TBXAS1: variants seen among roughly 807,000 people sequenced by gnomAD.
TBXAS1 encodes thromboxane A synthase 1, also known as thromboxane-A synthase.
TBXAS1 carries 48 observed loss-of-function variants against 60.7 expected under a neutral mutation model. That is an observed-to-expected ratio of 0.79 (90% CI 0.63 to 1.01). TBXAS1 has a LOEUF of 1.01. TBXAS1 is among the 50% of genes least tolerant of loss of function. The pLI is 0.00. For synonymous variants in TBXAS1, 287 were observed against 269.7 expected (o/e 1.06, Z -0.63); for missense variants, 685 against 686.3 (o/e 1.00, Z 0.02).
intron 4 of TBXAS1, among the ~76,000 whole-genome samples, chr7:139,802,358 G>T (rs1797742831): frequency 6.6e-6 from 1 of 152,160 alleles, no homozygotes; most frequent in African/African-American, 2.4e-5. Context: ...ATCTCATCTT[G>T]AACTGTAGCT....
intron 3 of TBXAS1, among the ~76,000 whole-genome samples, chr7:139,879,717 C>A (rs1289946143): frequency 6.6e-6 from 1 of 151,960 alleles, no homozygotes; most frequent in Non-Finnish European, 1.5e-5. Context: ...GATGATAAAC[C>A]TTTATTAATT....
At chr7:139,969,547 C>A in intron 9 of TBXAS1, among the ~76,000 whole-genome samples, 1 of 148,878 alleles carries the variant, frequency 6.7e-6, no homozygotes, top group African/African-American at 2.5e-5. Context: ...AAGGGTTGAG[C>A]AGGAAAAAAA....
intron 4 of TBXAS1, among the ~76,000 whole-genome samples, chr7:139,805,995 C>T (rs565729813): frequency 7.1e-4 from 99 of 138,952 alleles, no homozygotes; most frequent in African/African-American, 2.3e-3. Flanking sequence ...ACTGCAGTGG[C>T]GCTCTCTTGG....
chr7:140,019,197 A>G (rs929356880), intron 12 of TBXAS1, among the ~76,000 whole-genome samples: 2 of 152,176 alleles, frequency 1.3e-5, no homozygotes, highest in African/African-American at 4.8e-5. Flanking sequence ...TGGATGGGGG[A>G]CATAGAGTCT....
Position 139,793,323 on chromosome 7 carries a change from G to A in TBXAS1, c.-80+5897G>A, listed in dbSNP as rs548885348. Among the ~76,000 whole-genome samples the A allele has an allele frequency of 2.6e-5, 4 of 152,216 alleles. No homozygotes were observed. The South Asian group carries it at 8.3e-4, about 32-fold the overall frequency. Reference sequence around the variant, plus strand: ...TAGTCCCAGCTACTCAAGAGGCCAAGCCAGGAGAATCACTTGAAGCTGGGA... The same window carrying A: ...TAGTCCCAGCTACTCAAGAGGCCAAACCAGGAGAATCACTTGAAGCTGGGA... On this transcript the variant is annotated intron_variant, in intron 4 of 16. Coordinates refer to the TBXAS1 transcript ENST00000336425.
At chr7:139,940,517 G>C (rs1808202541) in intron 5 of TBXAS1, among the ~76,000 whole-genome samples, 1 of 152,128 alleles carries the variant, frequency 6.6e-6, no homozygotes, top group South Asian at 2.1e-4. Context: ...ATTCTGCTGA[G>C]AGCCAGCGTG....
intron 4 of TBXAS1, chr7:139,789,350 T>C (rs1797305194): frequency 6.6e-6 from 1 of 151,638 alleles, no homozygotes; most frequent in African/African-American, 2.4e-5. Flanking sequence ...GCTCAATCAT[T>C]CTTCCTGCCT....
At chr7:140,007,058 G>C in intron 9 of TBXAS1, 33 bp from the exon 10 acceptor site, 2 of 1,591,636 alleles carry the variant, frequency 1.3e-6, no homozygotes, top group East Asian at 4.5e-5. Context: ...GGGCTAACAC[G>C]AACTTCTCCC....
chr7:140,002,360 T>TTCCTCTCTGGGCCTCATTTTTC (rs1813732083), intron 9 of TBXAS1, among the ~76,000 whole-genome samples: 1 of 152,210 alleles, frequency 6.6e-6, no homozygotes, highest in African/African-American at 2.4e-5. Context: ...TTCACAGGCC[T>TTCCTCTCTGGGCCTCATTTTTC]TCCTCTCTGG....
intron 6 of TBXAS1, among the ~76,000 whole-genome samples, chr7:139,953,918 G>A (rs1054403803): frequency 7.9e-5 from 12 of 152,116 alleles, no homozygotes; most frequent in Admixed American, 4.6e-4. Flanking sequence ...AAGTTTGTCC[G>A]ACCCACAGCC....
Position 139,916,335 on chromosome 7 carries a change from G to A in TBXAS1, c.333+5014G>A, listed in dbSNP as rs1268811907. On this transcript the variant is annotated intron_variant, in intron 4 of 12. Transcript: ENST00000448866. This position sits in a 1 kb window ranked among gnomAD's most constrained non-coding sequence, Gnocchi z 4.2. The stretch of plus-strand genomic sequence containing the variant: ...GGTCTGGTCAGATAGGCATGTCAGG[G>A]ATGTGTCAAAACACTAAGCCTAGTG... Among the ~76,000 whole-genome samples the A allele has an allele frequency of 6.6e-6, 1 of 152,166 alleles. No homozygotes were observed. The highest frequency in any genetic ancestry group is 1.9e-4 in the East Asian group (1 of 5,186).
At chr7:140,003,361 G>A (rs940719737) in intron 9 of TBXAS1, among the ~76,000 whole-genome samples, 1 of 151,962 alleles carries the variant, frequency 6.6e-6, no homozygotes, top group Non-Finnish European at 1.5e-5. Flanking sequence ...CCACCACCAT[G>A]CCCAGCTAAT....
At chr7:140,005,953 G>T (rs1208291979) in intron 9 of TBXAS1, among the ~76,000 whole-genome samples, 1 of 152,186 alleles carries the variant, frequency 6.6e-6, no homozygotes, top group Non-Finnish European at 1.5e-5. Flanking sequence ...CTCACTTTGA[G>T]AGCTGGCTGA....
chr7:139,917,730 T>C (rs1038650987), intron 4 of TBXAS1, among the ~76,000 whole-genome samples: 81 of 152,262 alleles, frequency 5.3e-4, no homozygotes, highest in African/African-American at 1.7e-3. Flanking sequence ...AATGTACTTC[T>C]CTCTGCCTTG....
At chr7:139,877,045 A>G (rs866557096) in intron 3 of TBXAS1, among the ~76,000 whole-genome samples, 1 of 152,088 alleles carries the variant, frequency 6.6e-6, no homozygotes, top group Non-Finnish European at 1.5e-5. Context: ...TTTCTGCTGA[A>G]TCATTTCAGC....
chr7:139,875,570 CTG>C lies in TBXAS1; in HGVS notation c.184-11_184-10del, dbSNP rs751773044. 2.9e-5 allele frequency: 46 copies of C among 1,612,508 alleles called. 1 individual carries two copies. In the South Asian group the frequency reaches 4.7e-4, roughly 17 times the overall value. On this transcript the variant is annotated splice_polypyrimidine_tract_variant and intron_variant, in intron 2 of 12. Transcript: ENST00000448866. ...GCTTAATCTTATTCTTACTATAGTG[CTG>C]TGTTTCCTTCAGGGTTTTTGGGAAA...
intron 4 of TBXAS1, among the ~76,000 whole-genome samples, chr7:139,798,926 G>T (rs1295009224): frequency 6.6e-6 from 1 of 152,102 alleles, no homozygotes; most frequent in Non-Finnish European, 1.5e-5. Context: ...TGTAACTTCA[G>T]TTGCCTGCCA....
intron 10 of TBXAS1, among the ~76,000 whole-genome samples, chr7:140,007,959 G>C (rs369527736): frequency 6.6e-6 from 1 of 152,188 alleles, no homozygotes; most frequent in South Asian, 2.1e-4. Flanking sequence ...GCACTCCATA[G>C]AGAAGGGCAT....
In TBXAS1 at chr7:139,872,234, G is replaced by C. The variant is rs765686939; in HGVS notation, c.90-1G>C. On this transcript the variant is annotated splice_acceptor_variant, in intron 1 of 12. Transcript: ENST00000448866. LOFTEE classifies it high-confidence loss of function. Reference sequence around the variant, plus strand: ...CTTTTGAAATCTGCTTTTCCCTCCAGGTACTCCACATCAGCATTCTCAAGA... The same window carrying C: ...CTTTTGAAATCTGCTTTTCCCTCCACGTACTCCACATCAGCATTCTCAAGA... 2 of 1,613,596 alleles carry C rather than the reference G, an allele frequency of 1.2e-6. No individual in the cohort carries two copies.
Sources: allele counts gnomAD v4.1 joint callset (sites outside exome capture counted in the v4.1 genomes callset), GRCh38; gene constraint gnomAD v4.1.1; non-coding constraint Gnocchi (gnomAD v3.1); transcripts MANE v1.5; gene names NCBI Gene and HGNC (gene_info 2026-07-23, HGNC 2026-07-21).